The following SLC37A3 variants were observed in gnomAD, a reference collection of about 807,000 sequenced individuals.
SLC37A3 encodes the protein solute carrier family 37 member 3.
Under a neutral mutation model 67.1 loss-of-function variants are expected in SLC37A3, and 51 were observed. The observed-to-expected ratio is 0.76, with a 90% confidence interval of 0.61 to 0.96. SLC37A3 has a LOEUF of 0.96. Ranked by LOEUF, SLC37A3 falls within the 40% of genes least tolerant of loss-of-function variation. SLC37A3 has a pLI of 0.00. For synonymous variants in SLC37A3, 214 were observed against 231.4 expected, an observed-to-expected ratio of 0.92 and a Z score of 0.68; for missense variants, 508 against 603.0, an observed-to-expected ratio of 0.84 and a Z score of 1.65.
chr7:140,358,769 G>A lies in SLC37A3; in HGVS notation c.392C>T (p.Ala131Val), dbSNP rs375944854. The A allele has an allele frequency of 2.6e-5, 42 of 1,613,884 alleles. No individual in the cohort carries two copies. Among genetic ancestry groups the A allele is most frequent in the Admixed American group, 1.3e-4 (8 of 59,974 alleles). Residue 131 changes from alanine to valine, a missense_variant, in exon 6 of 15, where the codon GCG becomes GTG. Ala to Val is a moderately conservative substitution (Grantham distance 64). Coordinates refer to ENST00000326232, the MANE Select transcript of SLC37A3 (RefSeq NM_207113.3). ...SSALVVFVFG[A>V]LTEWLRFYNK... ...GTAGAAACGCAGCCATTCTGTGAGCGCACCAAAGACAAACACCTTGAAGAG... is the reference window on the plus strand; with the variant it reads ...GTAGAAACGCAGCCATTCTGTGAGCACACCAAAGACAAACACCTTGAAGAG...
At chr7:140,344,026 G>T in intron 12 of SLC37A3, 1 of 193,720 alleles carries the variant, frequency 5.2e-6, no homozygotes, top group Non-Finnish European at 1.0e-5. Context: ...CCATGAATCA[G>T]GCATGCGATG....
At chr7:140,361,065 A>C (rs547739130) in intron 5 of SLC37A3, among the ~76,000 whole-genome samples, 2 of 152,206 alleles carry the variant, frequency 1.3e-5, no homozygotes, top group South Asian at 4.2e-4. Flanking sequence ...AGCGGGACTG[A>C]CATTCTCAAA....
chr7:140,390,670 T>C (rs114026345), intron 1 of SLC37A3, among the ~76,000 whole-genome samples: 220 of 152,228 alleles, frequency 1.4e-3, no homozygotes, highest in Middle Eastern at 6.8e-3. Flanking sequence ...AGCTCCCTCC[T>C]GGGCCTTTTC....
rs749706991 is a variant in SLC37A3 at position 140,358,683 on chromosome 7, G to A, written c.478C>T (p.Pro160Ser). 25 of 1,613,986 alleles carry A rather than the reference G, an allele frequency of 1.5e-5. No individual in the cohort carries two copies. Among genetic ancestry groups the A allele is most frequent in the Admixed American group, 3.3e-5 (2 of 59,988 alleles). The change falls in exon 6 of 15, where the codon CCC becomes TCC. Residue 160 changes from proline to serine, a missense_variant. By Grantham distance (74) the Pro-to-Ser change is moderately conservative. Coordinates refer to ENST00000326232, the MANE Select transcript of SLC37A3 (RefSeq NM_207113.3). Reference sequence around the variant, plus strand: ...TTGCCCATAACAGCAACCACACAGGGCCAACCAGTGGACTGCAGCAGGCCG... The same window carrying A: ...TTGCCCATAACAGCAACCACACAGGACCAACCAGTGGACTGCAGCAGGCCG... ...VNGLLQSTGW[P>S]CVVAVMGNWF... is the part of the protein sequence containing the mutation.
At chr7:140,386,760 C>T (rs756607539) in intron 1 of SLC37A3, 10 of 152,194 alleles carry the variant, frequency 6.6e-5, no homozygotes, top group Admixed American at 2.0e-4. Flanking sequence ...TTTTCTCAAT[C>T]GGTGAATTTT....
Position 140,364,423 on chromosome 7 carries a change from G to C in SLC37A3, c.360C>G (p.Cys120Trp). The change falls in exon 5 of 15, where the codon TGC becomes TGG. Residue 120 changes from cysteine to tryptophan, a missense_variant. Coordinates refer to ENST00000326232, the MANE Select transcript of SLC37A3 (RefSeq NM_207113.3). Reference sequence around the variant, plus strand: ...TTCAACTTACCACTAATGCAGAAGAGCACATGCCAAAAGACAGAACCCATC... The same window carrying C: ...TTCAACTTACCACTAATGCAGAAGACCACATGCCAAAAGACAGAACCCATC... ...NLRWVLSFGMCSSALVVFVFG... is the reference protein window; with the variant it reads ...NLRWVLSFGMWSSALVVFVFG... The C allele has an allele frequency of 6.2e-7, 1 of 1,613,718 alleles. No homozygotes were observed. The highest frequency in any genetic ancestry group is 1.1e-5 in the South Asian group (1 of 91,022).
Position 140,337,723 on chromosome 7 carries a change from C to A in SLC37A3, c.1327-374G>T, listed in dbSNP as rs74746411. On this transcript the variant is annotated intron_variant, in intron 13 of 14. Transcript: ENST00000326232. The stretch of plus-strand genomic sequence containing the variant: ...TGTCTTTAAGTATGCCACTCATTTT[C>A]CAATTAGGCTGTTTGCTCACAGTGT... 7.0e-3 allele frequency: 1,131 copies of A among 161,728 alleles called. 15 individuals are homozygous for A. The highest frequency in any genetic ancestry group is 0.025 in the African/African-American group (1,042 of 41,900). The allele number at this position is 161,728 out of a possible 1,614,324, so 10.0% of individuals were successfully genotyped here. A position where few individuals can be genotyped will look rare whatever the true frequency, so the allele number is the denominator to read the frequency against.
At chr7:140,372,615 C>G (rs994728690) in intron 3 of SLC37A3, among the ~76,000 whole-genome samples, 1 of 152,128 alleles carries the variant, frequency 6.6e-6, no homozygotes, top group Non-Finnish European at 1.5e-5. Context: ...GTAATCCCAG[C>G]ACTTTGGGAG....
intron 14 of SLC37A3, among the ~76,000 whole-genome samples, chr7:140,336,119 G>A (rs1796121456): frequency 6.6e-6 from 1 of 152,222 alleles, no homozygotes; most frequent in Admixed American, 6.5e-5. Context: ...AGGTAGACCT[G>A]TCTTGAGCAC....
At chr7:140,392,554 C>T (rs1798762931) in intron 1 of SLC37A3, among the ~76,000 whole-genome samples, 1 of 152,088 alleles carries the variant, frequency 6.6e-6, no homozygotes, top group African/African-American at 2.4e-5. Flanking sequence ...TTGACAGCTT[C>T]TGCTTAAAAC....
chr7:140,334,627 G>T lies in SLC37A3; in HGVS notation c.*785C>A, dbSNP rs187776590. On this transcript the variant is annotated 3_prime_UTR_variant, in exon 15 of 15. Transcript: ENST00000326232. ...ACACGTCGGAATGTTCAAGATAAAT[G>T]ATGTACCTTATGGTCCTTTACACGT... 2.3e-3 allele frequency: 348 copies of T among 153,062 alleles called. 4 individuals carry two copies. The highest frequency in any genetic ancestry group is 3.4e-3 in the Non-Finnish European group (233 of 68,336). The allele number at this position is 153,062 out of a possible 1,614,324, so 9.5% of individuals were successfully genotyped here.
intron 5 of SLC37A3, among the ~76,000 whole-genome samples, chr7:140,359,509 G>A (rs901816823): frequency 7.9e-5 from 12 of 152,320 alleles, no homozygotes; most frequent in Non-Finnish European, 1.6e-4. Flanking sequence ...GCTATGGGCA[G>A]AGGCACGGGG....
chr7:140,387,695 T>A (rs1195418805), intron 1 of SLC37A3, among the ~76,000 whole-genome samples: 1 of 94,040 alleles, frequency 1.1e-5, no homozygotes, highest in Non-Finnish European at 1.9e-5. Flanking sequence ...ATTATATATA[T>A]TATATAAATA....
At chr7:140,351,988 G>A (rs751452551) in intron 8 of SLC37A3, 74 bp downstream of exon 8, 335 of 1,413,078 alleles carry the variant, frequency 2.4e-4, no homozygotes, top group Non-Finnish European at 3.1e-4. Context: ...AAAGAGATTC[G>A]ATTTCTTGGC....
Position 140,348,616 on chromosome 7 carries a change from A to C in SLC37A3, c.1024+10T>G, listed in dbSNP as rs766965993. On this transcript the variant is annotated intron_variant, in intron 10 of 14. Transcript: ENST00000326232. ...CTCTTTATTATGGAAAAGATGTATC[A>C]CCGGCATACCTATGATCCCTCCAAC... 1.4e-5 allele frequency: 23 copies of C among 1,596,756 alleles called. No homozygotes were observed. The Admixed American group carries it at 1.5e-4, about 10-fold the overall frequency.
At chr7:140,358,082 A>T (rs2117117106) in intron 6 of SLC37A3, among the ~76,000 whole-genome samples, 1 of 152,122 alleles carries the variant, frequency 6.6e-6, no homozygotes, top group Non-Finnish European at 1.5e-5. Flanking sequence ...CTCAAAAACA[A>T]AAAAGAAAAA....
At chr7:140,379,669 G>T (rs55953323) in intron 3 of SLC37A3, among the ~76,000 whole-genome samples, 17,807 of 151,396 alleles carry the variant, frequency 0.12, 1,394 homozygotes, top group East Asian at 0.29. Context: ...AAGGCGGGTG[G>T]ATTGCTTGAG....
intron 13 of SLC37A3, among the ~76,000 whole-genome samples, chr7:140,342,770 A>C (rs1796408678): frequency 6.6e-6 from 1 of 152,082 alleles, no homozygotes; most frequent in Non-Finnish European, 1.5e-5. Flanking sequence ...AGAATCACCA[A>C]GAAGCCTTGT....
intron 5 of SLC37A3, among the ~76,000 whole-genome samples, chr7:140,361,133 A>G (rs1286862609): frequency 6.6e-6 from 1 of 151,822 alleles, no homozygotes; most frequent in Non-Finnish European, 1.5e-5. Flanking sequence ...GGAGAGCTGA[A>G]AAGGGGACCA....
Sources: allele counts gnomAD v4.1 joint callset (sites outside exome capture counted in the v4.1 genomes callset), GRCh38; gene constraint gnomAD v4.1.1; transcripts MANE v1.5; gene names NCBI Gene and HGNC (gene_info 2026-07-23, HGNC 2026-07-21).